ZC3H4: variants seen among roughly 807,000 people sequenced by gnomAD.
ZC3H4 encodes the protein zinc finger CCCH-type containing 4, also known as zinc finger CCCH domain-containing protein 4.
A neutral mutation model predicts 108.3 loss-of-function variants in ZC3H4; 13 were observed. That is an observed-to-expected ratio of 0.12 (90% CI 0.08 to 0.19). The LOEUF is 0.19. Ranked by LOEUF, ZC3H4 falls within the 10% of genes least tolerant of loss-of-function variation. The pLI, the probability that ZC3H4 is intolerant of heterozygous loss-of-function variation, is 1.00. For synonymous variants in ZC3H4, 917 were observed against 749.6 expected (o/e 1.22, Z -3.65); for missense variants, 1,734 against 1,838.8 (o/e 0.94, Z 1.04).
At chr19:47,100,018 G>C (rs946561814) in intron 2 of ZC3H4, among the ~76,000 whole-genome samples, 2 of 151,980 alleles carry the variant, frequency 1.3e-5, no homozygotes, top group African/African-American at 4.8e-5. Context: ...CCATTAACTA[G>C]GGACAAAATC....
At chr19:47,071,717 A>G in intron 13 of ZC3H4, 61 bp downstream of exon 13, 2 of 1,507,980 alleles carry the variant, frequency 1.3e-6, no homozygotes, top group Non-Finnish European at 1.8e-6. Context: ...ACATCTCCCC[A>G]ACTCTGCTCC....
intron 2 of ZC3H4, among the ~76,000 whole-genome samples, chr19:47,098,609 C>A (rs1168039507): frequency 6.6e-6 from 1 of 151,754 alleles, no homozygotes; most frequent in African/African-American, 2.4e-5. Flanking sequence ...ACTAAGAATG[C>A]AAAAATTAGA....
Position 47,112,455 on chromosome 19 carries a change from G to A in ZC3H4, c.130C>T (p.Leu44Phe), listed in dbSNP as rs752743611. 2.0e-4 allele frequency: 251 copies of A among 1,233,822 alleles called. No individual in the cohort carries two copies. The highest frequency in any genetic ancestry group is 2.4e-4 in the Non-Finnish European group (235 of 983,792). The allele number at this position is 1,233,822 out of a possible 1,614,324, so 76.4% of individuals were successfully genotyped here. Residue 44 changes from leucine to phenylalanine, a missense_variant, in exon 2 of 15, where the codon CTC becomes TTC. This residue lies in a region of ZC3H4 where 112 missense variants were observed against 73.3 expected (regional missense o/e 1.53). Coordinates refer to ENST00000253048, the MANE Select transcript of ZC3H4 (RefSeq NM_015168.2). ...TCAGGGAGCGGGAGGCGGTGGTGGA[G>A]GAGGTGCGGGGTGGCCGGGCGGGCG... The part of the protein sequence containing the change: ...PDARPATPHL[L>F]HHRLPLPDDR...
Position 47,066,942 on chromosome 19 carries a change from G to C in ZC3H4, c.3326C>G (p.Pro1109Arg), listed in dbSNP as rs202213560. Residue 1109 changes from proline to arginine, a missense_variant, in exon 15 of 15, where the codon CCG becomes CGG. By Grantham distance (103) the Pro-to-Arg change is moderately radical (BLOSUM62 -2). Coordinates refer to ENST00000253048, the MANE Select transcript of ZC3H4 (RefSeq NM_015168.2). ...PAEAPSPTAS[P>R]SGDASPPATA... ...GGCTGGTGGGGAGGCATCCCCACTC[G>C]GGCTGGCGGTGGGAGAGGGCGCCTC... 6.3e-7 allele frequency: 1 copy of C among 1,594,830 alleles called. No homozygotes were observed. The highest frequency in any genetic ancestry group is 2.3e-5 in the East Asian group (1 of 44,442).
At chr19:47,094,712 T>A in intron 2 of ZC3H4, 104 bp from the exon 3 acceptor site, 1 of 1,128,716 alleles carries the variant, frequency 8.9e-7, no homozygotes, top group Non-Finnish European at 1.3e-6. Flanking sequence ...CTGACTGCTG[T>A]GAGCGAAGTG....
intron 5 of ZC3H4, among the ~76,000 whole-genome samples, chr19:47,088,485 T>C (rs549206076): frequency 2.1e-4 from 32 of 151,222 alleles, no homozygotes; most frequent in Non-Finnish European, 4.0e-4. Context: ...GAGGCAGAGG[T>C]TGCAGTGAGC....
intron 5 of ZC3H4, among the ~76,000 whole-genome samples, chr19:47,089,743 G>A (rs2057697856): frequency 6.6e-6 from 1 of 152,156 alleles, no homozygotes; most frequent in Non-Finnish European, 1.5e-5. Context: ...TTTCGGGCAC[G>A]CTGGCCTTCT....
chr19:47,099,473 GA>G (rs1275416256), intron 2 of ZC3H4, among the ~76,000 whole-genome samples: 1 of 148,634 alleles, frequency 6.7e-6, no homozygotes, highest in African/African-American at 2.5e-5. Context: ...AAAAAAAAAA[GA>G]AAAAAAGAAA....
Position 47,069,115 on chromosome 19 carries a change from T to C in ZC3H4, c.2375A>G (p.Lys792Arg). 3.1e-6 allele frequency: 5 copies of C among 1,604,436 alleles called. No homozygotes were observed. The highest frequency in any genetic ancestry group is 1.1e-5 in the South Asian group (1 of 91,084). ...GCCTTCCTCATTCTCCCGGTCCTGCTTGCTGCTCTCAGCCAGCCTCCTCGC... is the reference window on the plus strand; with the variant it reads ...GCCTTCCTCATTCTCCCGGTCCTGCCTGCTGCTCTCAGCCAGCCTCCTCGC... Reference protein sequence around the residue: ...ERARRLAESSKQDRENEEGDT... With the variant: ...ERARRLAESSRQDRENEEGDT... The change falls in exon 14 of 15, where the codon AAG (lysine) becomes AGG (arginine). Residue 792 changes from lysine (K) to arginine (R), a missense_variant. By Grantham distance (26) the Lys-to-Arg change is conservative (BLOSUM62 2). Around this residue, in one of 9 missense-constraint regions of ZC3H4, gnomAD observed 540 missense variants for 484.1 expected, o/e 1.12. Transcript: ENST00000253048.
intron 2 of ZC3H4, among the ~76,000 whole-genome samples, chr19:47,099,750 T>C (rs546976910): frequency 1.2e-4 from 18 of 149,318 alleles, no homozygotes; most frequent in Admixed American, 5.4e-4. Flanking sequence ...ATGGCAGCTC[T>C]CTAGACAAGA....
At chr19:47,103,756 C>T (rs1449285104) in intron 2 of ZC3H4, among the ~76,000 whole-genome samples, 1 of 126,194 alleles carries the variant, frequency 7.9e-6, no homozygotes, top group South Asian at 2.7e-4. Context: ...GAAACCCCGT[C>T]TCTACTAAAA....
chr19:47,105,186 C>A (rs1454531605), intron 2 of ZC3H4, among the ~76,000 whole-genome samples: 1 of 152,156 alleles, frequency 6.6e-6, no homozygotes, highest in Non-Finnish European at 1.5e-5. Flanking sequence ...GCTGTGCAGG[C>A]ATACCAGACA....
chr19:47,085,757 C>T (rs748776546), intron 6 of ZC3H4, among the ~76,000 whole-genome samples: 1 of 152,162 alleles, frequency 6.6e-6, no homozygotes, highest in Non-Finnish European at 1.5e-5. Flanking sequence ...CCTCCTGGGT[C>T]GGGACAGGGA....
chr19:47,088,244 G>A (rs2057666721), intron 5 of ZC3H4, among the ~76,000 whole-genome samples: 2 of 150,794 alleles, frequency 1.3e-5, no homozygotes, highest in East Asian at 4.0e-4. Context: ...GCGGGAGTAA[G>A]GCACAAGAAT....
rs1463313664 is a variant in ZC3H4 at position 47,067,266 on chromosome 19, G to A, written c.3002C>T (p.Ala1001Val). Residue 1001 changes from alanine (A) to valine (V), a missense_variant, in exon 15 of 15, where the codon GCC (alanine) becomes GTC (valine). Coordinates refer to ENST00000253048, the MANE Select transcript of ZC3H4 (RefSeq NM_015168.2). This position sits in a 1 kb window ranked among gnomAD's most constrained non-coding sequence, Gnocchi z 6.4. The part of the protein sequence containing the change: ...KQDAVPPVPA[A>V]LQSMPTLDPR... ...GTCCAGGGTGGGCATGGATTGCAGGGCCGCGGGCACGGGGGGCACTGCGTC... is the reference window on the plus strand; with the variant it reads ...GTCCAGGGTGGGCATGGATTGCAGGACCGCGGGCACGGGGGGCACTGCGTC... The A allele has an allele frequency of 6.3e-7, 1 of 1,591,470 alleles. No individual in the cohort carries two copies. The highest frequency in any genetic ancestry group is 8.6e-7 in the Non-Finnish European group (1 of 1,168,726).
In ZC3H4 at chr19:47,066,209, AAAAT is replaced by A. The variant is rs2057190600; in HGVS notation, c.*143_*146del. 1.1e-5 allele frequency: 7 copies of A among 625,230 alleles called. No homozygotes were observed. The South Asian group carries it at 1.2e-4, about 11-fold the overall frequency. The allele number at this position is 625,230 out of a possible 1,614,324, so 38.7% of individuals were successfully genotyped here. A position where few individuals can be genotyped will look rare whatever the true frequency, so the allele number is the denominator to read the frequency against. The stretch of plus-strand genomic sequence containing the variant: ...CTCAAAGAAAGTACTACTTTAAAAA[AAAAT>A]AAAAGAGACGGAAAGCAAAAGAAAA... On this transcript the variant is annotated 3_prime_UTR_variant, in exon 15 of 15. Coordinates refer to ENST00000253048, the MANE Select transcript of ZC3H4 (RefSeq NM_015168.2).
Position 47,065,965 on chromosome 19 carries a change from C to T in ZC3H4, c.*391G>A, listed in dbSNP as rs539207002. ...GAGGAGCGTTCAATACCTTCCCAGA[C>T]ACCAACTGTTCCCTTTGTCCTGGGG... On this transcript the variant is annotated 3_prime_UTR_variant, in exon 15 of 15. Coordinates refer to ENST00000253048, the MANE Select transcript of ZC3H4 (RefSeq NM_015168.2). The T allele has an allele frequency of 5.9e-6, 1 of 169,544 alleles. No individual in the cohort carries two copies. Among genetic ancestry groups the T allele is most frequent in the Non-Finnish European group, 1.2e-5 (1 of 80,122 alleles). 10.5% of individuals were successfully genotyped at this position (169,544 alleles called of 1,614,324 possible). A position where few individuals can be genotyped will look rare whatever the true frequency, so the allele number is the denominator to read the frequency against.
Position 47,066,705 on chromosome 19 carries a change from G to A in ZC3H4, c.3563C>T (p.Pro1188Leu), listed in dbSNP as rs1163510791. ...GKSSASKAKE[P>L]PFVRKSALEQ... is the part of the protein sequence containing the mutation. ...CAGGGCAGACTTGCGGACGAACGGG[G>A]GCTCCTTAGCCTTGGAGGCCGAGCT... Residue 1188 changes from proline to leucine, a missense_variant, in exon 15 of 15, where the codon CCC (proline) becomes CTC (leucine). Pro to Leu is a moderately conservative substitution (Grantham distance 98). This residue lies in a region of ZC3H4 where 518 missense variants were observed against 499.6 expected (regional missense o/e 1.04). Coordinates refer to ENST00000253048, the MANE Select transcript of ZC3H4 (RefSeq NM_015168.2). The A allele has an allele frequency of 1.2e-5, 20 of 1,609,378 alleles. No individual in the cohort carries two copies. The highest frequency in any genetic ancestry group is 6.7e-5 in the East Asian group (3 of 44,792).
At chr19:47,091,927 G>A (rs1009329035) in intron 4 of ZC3H4, among the ~76,000 whole-genome samples, 1 of 151,684 alleles carries the variant, frequency 6.6e-6, no homozygotes, top group Admixed American at 6.6e-5. Context: ...TAAAAAAGTC[G>A]GCTGCGCATG....
Sources: gnomAD v4.1 joint callset for allele counts (sites outside exome capture counted in the v4.1 genomes callset) on GRCh38, gnomAD v4.1.1 for gene constraint, gnomAD v4.1.1 regional missense constraint, Gnocchi (gnomAD v3.1) non-coding constraint, MANE v1.5 for transcripts, NCBI Gene and HGNC (gene_info 2026-07-23, HGNC 2026-07-21) for gene names.